Variants in CSMD1 observed in about 807,000 individuals in gnomAD.
The protein encoded by CSMD1 is CUB and sushi domain-containing protein 1.
In CSMD1, 213 loss-of-function variants were observed where a neutral mutation model predicts 417.5. The ratio of observed to expected loss-of-function variants is 0.51; its 90% CI spans 0.46 to 0.57. The LOEUF (loss-of-function observed/expected upper bound fraction) is 0.57, where lower values mean the gene tolerates loss of function less well. Among genes scored for constraint, CSMD1 ranks in the 20% least tolerant of loss-of-function variants. The pLI is 0.00. For synonymous variants in CSMD1, 2,862 were observed against 1,736.8 expected (o/e 1.65, Z -16.11); for missense variants, 6,923 against 4,529.7 (o/e 1.53, Z -15.17).
chr8:4,105,038 G>A (rs1262087816), intron 3 of CSMD1, among the ~76,000 whole-genome samples: 2 of 151,924 alleles, frequency 1.3e-5, no homozygotes, highest in Admixed American at 6.6e-5. Flanking sequence ...GAAATGCTAA[G>A]GGCCTAATTC....
At chr8:3,582,273 A>C (rs570102110) in intron 9 of CSMD1, among the ~76,000 whole-genome samples, 5 of 152,170 alleles carry the variant, frequency 3.3e-5, no homozygotes, top group Non-Finnish European at 7.3e-5. Flanking sequence ...CTTTTTATAA[A>C]AAGTTATAAA....
intron 3 of CSMD1, among the ~76,000 whole-genome samples, chr8:4,257,422 T>C: frequency 6.7e-6 from 1 of 148,820 alleles, no homozygotes; most frequent in East Asian, 1.9e-4. Flanking sequence ...GGATTTGCAC[T>C]TTTCTCTCTC....
intron 2 of CSMD1, among the ~76,000 whole-genome samples, chr8:4,545,958 C>T (rs980906571): frequency 2.0e-5 from 3 of 152,116 alleles, no homozygotes; most frequent in Admixed American, 6.5e-5. Context: ...AAACTTTCTC[C>T]CATGTCGCCT....
rs9644365 is a variant in CSMD1, at chr8:4,188,278, C to G, written c.416-156179G>C. On this transcript the variant is annotated intron_variant, in intron 3 of 69. Coordinates refer to ENST00000635120, the MANE Select transcript of CSMD1 (RefSeq NM_033225.6). Reference sequence around the variant, plus strand: ...TTTTGGAGGCCACGCTTGCCCTAGACGTCGGTCAATGTCCCCCGGTTGTCA... The same window carrying G: ...TTTTGGAGGCCACGCTTGCCCTAGAGGTCGGTCAATGTCCCCCGGTTGTCA... Among the ~76,000 whole-genome samples, 1,030 of 152,234 alleles carry G rather than the reference C, an allele frequency of 6.8e-3. 39 individuals are homozygous for G. The East Asian group carries it at 0.1, about 15-fold the overall frequency.
At chr8:3,917,419 ACACAC>A (rs1808906070) in intron 5 of CSMD1, among the ~76,000 whole-genome samples, 1 of 17,966 alleles carries the variant, frequency 5.6e-5, no homozygotes, top group African/African-American at 3.9e-4. Context: ...ACCACGAAAC[ACACAC>A]ACACACACAC....
At chr8:3,597,080 C>A (rs1405132473) in intron 8 of CSMD1, among the ~76,000 whole-genome samples, 2 of 152,164 alleles carry the variant, frequency 1.3e-5, no homozygotes, top group Non-Finnish European at 1.5e-5. Flanking sequence ...AGCCACCTCA[C>A]CCAAACGCTG....
At position 2,967,362 on chromosome 8, in the gene CSMD1, T is replaced by G. The variant is rs114722299; in HGVS notation, c.8924-616A>C. ...GGCTTTGACATGATTGAACTTTACA[T>G]TTCTCTCAAAAGGCTCCTAATGCCA... is the stretch of plus-strand genomic sequence containing the variant. On this transcript the variant is annotated intron_variant, in intron 57 of 69. Coordinates refer to ENST00000635120, the MANE Select transcript of CSMD1 (RefSeq NM_033225.6). 8.7e-3 allele frequency among the ~76,000 whole-genome samples: 1,325 copies of G among 152,308 alleles called. 26 individuals are homozygous for G. Among genetic ancestry groups the G allele is most frequent in the African/African-American group, 0.03 (1,259 of 41,560 alleles).
At chr8:2,988,678 C>G (rs1291184812) in intron 54 of CSMD1, among the ~76,000 whole-genome samples, 1 of 152,194 alleles carries the variant, frequency 6.6e-6, no homozygotes, top group African/African-American at 2.4e-5. Flanking sequence ...GATACTACTA[C>G]TAATAAAAGG....
intron 2 of CSMD1, among the ~76,000 whole-genome samples, chr8:4,518,927 A>G (rs1013047711): frequency 1.3e-5 from 2 of 152,130 alleles, no homozygotes; most frequent in Admixed American, 1.3e-4. Context: ...GAGTTAAAGA[A>G]TTTATCAGCC....
chr8:3,116,969 T>C (rs1816911607), intron 42 of CSMD1, among the ~76,000 whole-genome samples: 1 of 152,152 alleles, frequency 6.6e-6, no homozygotes, highest in South Asian at 2.1e-4. Context: ...TTTTATAAAA[T>C]TAATTTTAAG....
intron 3 of CSMD1, among the ~76,000 whole-genome samples, chr8:4,193,300 T>C (rs1799140840): frequency 6.6e-6 from 1 of 152,092 alleles, no homozygotes; most frequent in African/African-American, 2.4e-5. Flanking sequence ...ACCATGCCCA[T>C]AATGAAAACC....
At chr8:3,743,406 G>A (rs1796913274) in intron 6 of CSMD1, among the ~76,000 whole-genome samples, 2 of 152,234 alleles carry the variant, frequency 1.3e-5, no homozygotes, top group African/African-American at 2.4e-5. Context: ...GTGGAATAGT[G>A]TGACATTAGG....
intron 41 of CSMD1, among the ~76,000 whole-genome samples, chr8:3,136,473 C>T (rs113881972): frequency 0.042 from 6,371 of 152,044 alleles, 332 homozygotes; most frequent in African/African-American, 0.12. Flanking sequence ...CCATGTTGGC[C>T]AGGCTGATCT....
At chr8:3,100,370 T>C (rs1428085324) in intron 46 of CSMD1, among the ~76,000 whole-genome samples, 1 of 152,234 alleles carries the variant, frequency 6.6e-6, no homozygotes, top group South Asian at 2.1e-4. Flanking sequence ...AAGTGATTTG[T>C]TTTCTTGTGT....
At chr8:3,770,080 G>C (rs1003539314) in intron 5 of CSMD1, among the ~76,000 whole-genome samples, 9 of 152,166 alleles carry the variant, frequency 5.9e-5, no homozygotes, top group Non-Finnish European at 1.3e-4. Context: ...TCTATTTCCA[G>C]ATTACTCCCT....
At chr8:4,480,891 G>T (rs973906064) in intron 2 of CSMD1, among the ~76,000 whole-genome samples, 1 of 152,078 alleles carries the variant, frequency 6.6e-6, no homozygotes, top group Non-Finnish European at 1.5e-5. Flanking sequence ...TAGATTCCTG[G>T]GGTACATCCC....
chr8:3,587,621 A>C (rs1004316419), intron 8 of CSMD1, among the ~76,000 whole-genome samples: 17 of 152,144 alleles, frequency 1.1e-4, no homozygotes, highest in African/African-American at 3.9e-4. Flanking sequence ...GCATCTATGT[A>C]ACACTCTCTA....
intron 1 of CSMD1, among the ~76,000 whole-genome samples, chr8:4,871,179 T>C (rs1329298339): frequency 6.6e-6 from 1 of 152,148 alleles, no homozygotes; most frequent in East Asian, 1.9e-4. Flanking sequence ...GGATTCATCA[T>C]GTATGAGTAT....
At chr8:4,058,544 T>A (rs1480795675) in intron 3 of CSMD1, among the ~76,000 whole-genome samples, 1 of 151,944 alleles carries the variant, frequency 6.6e-6, no homozygotes, top group Non-Finnish European at 1.5e-5. Context: ...CCTGCCTAAT[T>A]GCCCTGGCCA....
Sources: gnomAD v4.1 joint callset for allele counts (sites outside exome capture counted in the v4.1 genomes callset) on GRCh38, gnomAD v4.1.1 for gene constraint, MANE v1.5 for transcripts, NCBI Gene and HGNC (gene_info 2026-07-23, HGNC 2026-07-21) for gene names.